Variants in DPH6 observed in about 807,000 individuals in gnomAD.
The protein encoded by DPH6 is diphthine--ammonia ligase.
DPH6 carries 33 observed loss-of-function variants against 38.2 expected under a neutral mutation model. The ratio of observed to expected loss-of-function variants is 0.86; its 90% CI spans 0.65 to 1.15. DPH6 has a LOEUF of 1.15. Among genes scored for constraint, DPH6 ranks in the 50% most tolerant of loss-of-function variants. The pLI, the probability that DPH6 is intolerant of heterozygous loss-of-function variation, is 0.00. For missense variants in DPH6, 325 were observed against 320.0 expected (o/e 1.02, Z -0.12); for synonymous variants, 108 against 103.0 (o/e 1.05, Z -0.30).
At chr15:35,470,605 G>A (rs981057894) in intron 3 of DPH6, among the ~76,000 whole-genome samples, 13 of 152,158 alleles carry the variant, frequency 8.5e-5, no homozygotes, top group Admixed American at 5.2e-4. Flanking sequence ...CAAAAGTAGC[G>A]TGACTTACAC....
At chr15:35,342,097 G>A (rs1032921296) in intron 3 of DPH6, among the ~76,000 whole-genome samples, 1 of 152,208 alleles carries the variant, frequency 6.6e-6, no homozygotes, top group African/African-American at 2.4e-5. Context: ...AACTTGTGAG[G>A]TGCTGTGGAA....
intron 3 of DPH6, chr15:35,237,814 C>T (rs1469967965): frequency 1.1e-5 from 17 of 1,575,802 alleles, no homozygotes; most frequent in South Asian, 2.2e-5. Context: ...CTGAGGGCTA[C>T]GTGGAGGGCC....
intron 3 of DPH6, among the ~76,000 whole-genome samples, chr15:35,223,742 T>C (rs2051458800): frequency 6.6e-6 from 1 of 152,076 alleles, no homozygotes; most frequent in Non-Finnish European, 1.5e-5. Context: ...ATTTACACTA[T>C]AGCAATGAAC....
the DPH6 span, among the ~76,000 whole-genome samples, chr15:35,202,896 GA>G: frequency 6.6e-6 from 1 of 151,686 alleles, no homozygotes; most frequent in Admixed American, 6.6e-5. Flanking sequence ...GCTTTTAACA[GA>G]GTCAATGTCC....
chr15:35,486,420 C>T (rs566510465), intron 3 of DPH6, among the ~76,000 whole-genome samples: 33 of 151,990 alleles, frequency 2.2e-4, no homozygotes, highest in Non-Finnish European at 4.6e-4. Flanking sequence ...CTGGGTAGGC[C>T]TCAGAAAACT....
chr15:35,472,726 A>C (rs1456502681), intron 3 of DPH6, among the ~76,000 whole-genome samples: 1 of 152,172 alleles, frequency 6.6e-6, no homozygotes, highest in East Asian at 1.9e-4. Flanking sequence ...AAAAATCAGC[A>C]AGAGACAAGT....
chr15:35,329,587 AG>A (rs1357455292), downstream of DPH6, among the ~76,000 whole-genome samples: 3 of 152,214 alleles, frequency 2.0e-5, no homozygotes, highest in Non-Finnish European at 4.4e-5. Context: ...AGCATGAAAG[AG>A]AACAGGCAGA....
At chr15:35,165,610 A>G in the DPH6 span, among the ~76,000 whole-genome samples, 1 of 151,860 alleles carries the variant, frequency 6.6e-6, no homozygotes, top group Admixed American at 6.6e-5. Context: ...AATTTAATCT[A>G]TTTGAAGGAT....
intron 3 of DPH6, among the ~76,000 whole-genome samples, chr15:35,356,770 T>C (rs1000932043): frequency 2.6e-5 from 4 of 152,224 alleles, no homozygotes; most frequent in Non-Finnish European, 4.4e-5. Flanking sequence ...TTCTCAGATC[T>C]CAAGCTGCAT....
At chr15:35,287,525 T>C (rs1221241402) in intron 3 of DPH6, among the ~76,000 whole-genome samples, 2 of 152,160 alleles carry the variant, frequency 1.3e-5, no homozygotes, top group South Asian at 4.1e-4. Context: ...CAGATCTGAG[T>C]GTTGAAAGAT....
At chr15:35,391,560 C>T (rs368472105) in intron 6 of DPH6, among the ~76,000 whole-genome samples, 191 of 152,276 alleles carry the variant, frequency 1.3e-3, no homozygotes, top group African/African-American at 4.4e-3. Context: ...CCTCCCCCAG[C>T]CTTGCTGCCA....
At chr15:35,340,512 G>A (rs558895266) in intron 3 of DPH6, among the ~76,000 whole-genome samples, 10 of 152,242 alleles carry the variant, frequency 6.6e-5, no homozygotes, top group African/African-American at 2.4e-4. Context: ...GTAGTGGCTG[G>A]TAACAGTTTT....
At chr15:35,290,263 C>A (rs550786188) in intron 3 of DPH6, among the ~76,000 whole-genome samples, 1 of 152,304 alleles carries the variant, frequency 6.6e-6, no homozygotes, top group South Asian at 2.1e-4. Flanking sequence ...ACAGGAAGAT[C>A]TTTAGCTTTC....
the DPH6 span, among the ~76,000 whole-genome samples, chr15:35,169,999 C>G: frequency 1.3e-5 from 2 of 152,244 alleles, no homozygotes; most frequent in South Asian, 2.1e-4. Context: ...TCAAATGCAC[C>G]TATAGCAAGG....
At chr15:35,307,884 C>T (rs181434310) in intron 3 of DPH6, among the ~76,000 whole-genome samples, 34 of 152,196 alleles carry the variant, frequency 2.2e-4, no homozygotes, top group Admixed American at 3.9e-4. Context: ...AATGATGGTA[C>T]AAAATATATA....
intron 2 of DPH6, among the ~76,000 whole-genome samples, chr15:35,539,691 G>A (rs1020010007): frequency 3.9e-5 from 6 of 151,990 alleles, no homozygotes; most frequent in Non-Finnish European, 8.8e-5. Flanking sequence ...TAGTTATTTT[G>A]ACATATACCT....
At chr15:35,302,962 G>C (rs1424659008) in intron 3 of DPH6, among the ~76,000 whole-genome samples, 5 of 152,026 alleles carry the variant, frequency 3.3e-5, no homozygotes, top group Admixed American at 3.3e-4. Flanking sequence ...AAAATTTGGA[G>C]AAATGGTGCA....
At chr15:35,456,592 A>G (rs2054000606) in intron 3 of DPH6, among the ~76,000 whole-genome samples, 1 of 151,640 alleles carries the variant, frequency 6.6e-6, no homozygotes, top group African/African-American at 2.4e-5. Context: ...GGTTCAAGCG[A>G]TTCTTCTGCC....
intron 3 of DPH6, among the ~76,000 whole-genome samples, chr15:35,496,027 A>C (rs912460633): frequency 6.6e-6 from 1 of 152,210 alleles, no homozygotes. Context: ...CTCTTAGCTC[A>C]CATCATACAC....
Sources: allele counts gnomAD v4.1 joint callset (sites outside exome capture counted in the v4.1 genomes callset), GRCh38; gene constraint gnomAD v4.1.1; transcripts MANE v1.5; gene names NCBI Gene and HGNC (gene_info 2026-07-23, HGNC 2026-07-21).